Variants in DPP6 observed in about 807,000 individuals in gnomAD.
DPP6 encodes dipeptidyl peptidase like 6.
A neutral mutation model predicts 122.6 loss-of-function variants in DPP6; 69 were observed. The observed-to-expected ratio is 0.56, with a 90% CI of 0.46 to 0.69. The LOEUF (loss-of-function observed/expected upper bound fraction) is 0.69, where lower values mean the gene tolerates loss of function less well. DPP6 is among the 30% of genes least tolerant of loss of function. DPP6 has a pLI of 0.00. For synonymous variants in DPP6, 418 were observed against 433.1 expected, an observed-to-expected ratio of 0.97 and a Z score of 0.43; for missense variants, 928 against 1,116.9, an observed-to-expected ratio of 0.83 and a Z score of 2.41.
intron 1 of DPP6, among the ~76,000 whole-genome samples, chr7:153,933,480 A>T (rs1801271522): frequency 6.6e-6 from 1 of 152,210 alleles, no homozygotes; most frequent in Non-Finnish European, 1.5e-5. Context: ...CTTTATCAAC[A>T]GCACGAACAC....
chr7:154,375,317 A>G (rs1303247094), intron 1 of DPP6, among the ~76,000 whole-genome samples: 1 of 152,040 alleles, frequency 6.6e-6, no homozygotes, highest in Non-Finnish European at 1.5e-5. Context: ...GTCGACCACA[A>G]TGGCGAGGGG....
chr7:154,532,830 C>A (rs1389808508), intron 3 of DPP6, among the ~76,000 whole-genome samples: 1 of 151,914 alleles, frequency 6.6e-6, no homozygotes, highest in East Asian at 1.9e-4. Context: ...AAATATGGCA[C>A]CTTGGCAGTG....
chr7:154,843,688 C>T (rs1379834508), intron 16 of DPP6, among the ~76,000 whole-genome samples: 1 of 152,246 alleles, frequency 6.6e-6, no homozygotes, highest in African/African-American at 2.4e-5. Flanking sequence ...TTTGCTGAAG[C>T]TGCTGTTGCT....
intron 8 of DPP6, among the ~76,000 whole-genome samples, chr7:154,761,866 C>T (rs1795580263): frequency 6.6e-6 from 1 of 152,000 alleles, no homozygotes; most frequent in Admixed American, 6.5e-5. Context: ...CATGACAGGC[C>T]CTGGTGTGTG....
At chr7:154,480,248 C>T (rs1177178980) in intron 3 of DPP6, among the ~76,000 whole-genome samples, 1 of 152,198 alleles carries the variant, frequency 6.6e-6, no homozygotes, top group African/African-American at 2.4e-5. Flanking sequence ...CCTGGCTCGG[C>T]CTGGCTTCCC....
At chr7:153,812,816 T>A in the DPP6 span, among the ~76,000 whole-genome samples, 1 of 151,984 alleles carries the variant, frequency 6.6e-6, no homozygotes, top group Non-Finnish European at 1.5e-5. Flanking sequence ...GACCAACAAA[T>A]CGCCCTATGT....
At chr7:153,903,127 G>C (rs1269569385) in intron 1 of DPP6, among the ~76,000 whole-genome samples, 1 of 152,168 alleles carries the variant, frequency 6.6e-6, no homozygotes, top group Non-Finnish European at 1.5e-5. Context: ...AAGGACACCG[G>C]TGCTTGATGG....
chr7:154,150,002 T>G (rs1270388969), intron 1 of DPP6, among the ~76,000 whole-genome samples: 2 of 152,184 alleles, frequency 1.3e-5, no homozygotes, highest in African/African-American at 2.4e-5. Flanking sequence ...GGTGTTGTAA[T>G]GATTAGCAAG....
intron 8 of DPP6, among the ~76,000 whole-genome samples, chr7:154,742,981 C>T (rs764260042): frequency 5.9e-5 from 9 of 152,216 alleles, no homozygotes; most frequent in Admixed American, 4.6e-4. Flanking sequence ...TTTGACTCTT[C>T]AGGGAGCATA....
chr7:154,821,665 C>T lies in DPP6; in HGVS notation c.1666+14553C>T, dbSNP rs1324981578. On this transcript the variant is annotated intron_variant, in intron 16 of 25. Coordinates refer to ENST00000377770, the MANE Select transcript of DPP6 (RefSeq NM_130797.4). The surrounding 1 kb of genome is among the most constrained non-coding windows in gnomAD (Gnocchi z 4.2). ...ATATATACACATATATATATATATACACATATATATATACACACACATATA... is the reference window on the plus strand; with the variant it reads ...ATATATACACATATATATATATATATACATATATATATACACACACATATA... Among the ~76,000 whole-genome samples the T allele has an allele frequency of 3.0e-5, 4 of 131,554 alleles. No homozygotes were observed. Among genetic ancestry groups the T allele is most frequent in the African/African-American group, 1.2e-4 (4 of 33,180 alleles). The allele number at this position is 131,554 out of a possible 152,430, so 86.3% of individuals were successfully genotyped here. A position where few individuals can be genotyped will look rare whatever the true frequency, so the allele number is the denominator to read the frequency against.
chr7:154,693,551 G>A (rs896123423), intron 7 of DPP6, among the ~76,000 whole-genome samples: 11 of 152,068 alleles, frequency 7.2e-5, no homozygotes, highest in African/African-American at 2.2e-4. Context: ...TCATTCAGCC[G>A]AGCCAGCCTC....
In DPP6 at chr7:154,769,416, G is replaced by T; in HGVS notation, c.884-1G>T. 1 of 1,613,482 alleles carries T rather than the reference G, an allele frequency of 6.2e-7. No individual in the cohort carries two copies. On this transcript the variant is annotated splice_acceptor_variant, in intron 8 of 25. Transcript: ENST00000377770. LOFTEE classifies it high-confidence loss of function. ...CATTTCTCTACTCTGTTTTCCCTTA[G>T]AGGAGATTTTGAAGACACACATCGC...
intron 6 of DPP6, among the ~76,000 whole-genome samples, chr7:154,646,604 G>A (rs1387194860): frequency 6.6e-6 from 1 of 152,102 alleles, no homozygotes; most frequent in South Asian, 2.1e-4. Context: ...TACTTCCATT[G>A]TTGTAGATAG....
At chr7:154,596,987 C>T (rs866086629) in intron 5 of DPP6, among the ~76,000 whole-genome samples, 19 of 152,276 alleles carry the variant, frequency 1.2e-4, no homozygotes, top group South Asian at 2.1e-4. Flanking sequence ...ATATAATAAA[C>T]TGTCTCAGTA....
chr7:154,243,894 A>G (rs1801809231), intron 1 of DPP6, among the ~76,000 whole-genome samples: 1 of 152,178 alleles, frequency 6.6e-6, no homozygotes, highest in Non-Finnish European at 1.5e-5. Context: ...AAAAAAAATC[A>G]AACAAACCGT....
chr7:154,738,065 C>T (rs1291708024), intron 8 of DPP6, among the ~76,000 whole-genome samples: 3 of 152,218 alleles, frequency 2.0e-5, no homozygotes, highest in African/African-American at 7.2e-5. Flanking sequence ...GTGAGATGTC[C>T]GGTGAAGGTC....
At chr7:154,523,678 T>C (rs188052072) in intron 3 of DPP6, among the ~76,000 whole-genome samples, 168 of 152,344 alleles carry the variant, frequency 1.1e-3, no homozygotes, top group Non-Finnish European at 1.9e-3. Context: ...CTGTGATATA[T>C]GCTATTTCAC....
At chr7:154,319,505 C>T (rs766986659) in intron 1 of DPP6, among the ~76,000 whole-genome samples, 2 of 151,916 alleles carry the variant, frequency 1.3e-5, no homozygotes, top group Non-Finnish European at 2.9e-5. Flanking sequence ...ACCAGCCTGG[C>T]CAACATGGTG....
intron 1 of DPP6, among the ~76,000 whole-genome samples, chr7:153,891,528 G>A (rs767126706): frequency 6.6e-6 from 1 of 152,060 alleles, no homozygotes; most frequent in African/African-American, 2.4e-5. Context: ...TTCCAAGGGA[G>A]GCTGATGTGC....
Sources: gnomAD v4.1 joint callset for allele counts (sites outside exome capture counted in the v4.1 genomes callset) on GRCh38, gnomAD v4.1.1 for gene constraint, Gnocchi (gnomAD v3.1) non-coding constraint, MANE v1.5 for transcripts, NCBI Gene and HGNC (gene_info 2026-07-23, HGNC 2026-07-21) for gene names.